Variants in DDX17 observed in about 807,000 individuals in gnomAD.
DDX17 encodes DEAD-box helicase 17, also known as probable ATP-dependent RNA helicase DDX17.
In DDX17, 10 loss-of-function variants were observed where a neutral mutation model predicts 80.8. The ratio of observed to expected loss-of-function variants is 0.12; its 90% CI spans 0.08 to 0.21. DDX17 has a LOEUF of 0.21. Ranked by LOEUF, DDX17 falls within the 10% of genes least tolerant of loss-of-function variation. The probability of loss-of-function intolerance (pLI) is 1.00; values close to 1 mark genes in which losing one functional copy is unlikely to be tolerated. For synonymous variants in DDX17, 339 were observed against 336.2 expected (o/e 1.01, Z -0.09); for missense variants, 586 against 957.4 (o/e 0.61, Z 5.12).
intron 1 of DDX17, among the ~76,000 whole-genome samples, chr22:38,504,592 CAAT>C (rs778412123): frequency 2.0e-5 from 3 of 152,134 alleles, no homozygotes; most frequent in African/African-American, 4.8e-5. Flanking sequence ...ATCCTCTAAA[CAAT>C]GAGATAAAAT....
rs138441 is a variant in DDX17 at position 38,489,622 on chromosome 22, T to A, written c.1448-1507A>T. ...TAATTTCAAGGGAGAAAGGGGAGAT[T>A]AAAAAAAAAAAATTAGCTGTTGTTA... On this transcript the variant is annotated intron_variant, in intron 11 of 12. Coordinates refer to ENST00000403230, the MANE Select transcript of DDX17 (RefSeq NM_006386.5). This position sits in a 1 kb window ranked among gnomAD's most constrained non-coding sequence, Gnocchi z 4.6. The A allele has an allele frequency of 7.4e-3, 5,247 of 713,166 alleles. 1 individual carries two copies. The highest frequency in any genetic ancestry group is 8.1e-3 in the Middle Eastern group (11 of 1,358). The allele number at this position is 713,166 out of a possible 1,614,324, so 44.2% of individuals were successfully genotyped here.
At position 38,486,429 on chromosome 22, in the gene DDX17, G is replaced by A. The variant is rs771368406; in HGVS notation, c.1696C>T (p.Arg566Cys). The change falls in exon 13 of 13, where the codon CGT becomes TGT. Residue 566 changes from arginine to cysteine, a missense_variant. Arg to Cys is a radical substitution (Grantham distance 180, BLOSUM62 -3). Coordinates refer to ENST00000403230, the MANE Select transcript of DDX17 (RefSeq NM_006386.5). ...TTGGCTGAAGAAGTGGTCCGGTAAC[G>A]AGAACGACCACCTAATGGGAAGATA... is the stretch of plus-strand genomic sequence containing the variant. The A allele has an allele frequency of 1.0e-5, 16 of 1,607,456 alleles. No homozygotes were observed. Among genetic ancestry groups the A allele is most frequent in the Non-Finnish European group, 1.4e-5 (16 of 1,176,270 alleles).
chr22:38,485,929 G>A lies in DDX17; in HGVS notation c.*6C>T. 1.9e-6 allele frequency: 3 copies of A among 1,613,606 alleles called. No individual in the cohort carries two copies. Among genetic ancestry groups the A allele is most frequent in the Non-Finnish European group, 2.5e-6 (3 of 1,179,900 alleles). On this transcript the variant is annotated 3_prime_UTR_variant, in exon 13 of 13. Coordinates refer to ENST00000403230, the MANE Select transcript of DDX17 (RefSeq NM_006386.5). ...GTCTGCTGGAGTCACTACCACTTGAGTGGTTTCATTTACGTGAAGGAGGAG... is the reference window on the plus strand; with the variant it reads ...GTCTGCTGGAGTCACTACCACTTGAATGGTTTCATTTACGTGAAGGAGGAG...
At chr22:38,494,560 T>G in intron 8 of DDX17, 70 bp downstream of exon 8, 1 of 1,450,918 alleles carries the variant, frequency 6.9e-7, no homozygotes, top group Non-Finnish European at 9.5e-7. Context: ...GTTTCTACAG[T>G]ACTAATTTTG....
At chr22:38,496,040 T>C (rs1268987338) in intron 5 of DDX17, 103 bp from the exon 6 acceptor site, 1 of 1,098,234 alleles carries the variant, frequency 9.1e-7, no homozygotes, top group East Asian at 2.8e-5. Context: ...TTCTTTGCTG[T>C]CTAATCTAGC....
At chr22:38,498,307 T>C in intron 4 of DDX17, 133 bp downstream of exon 4, 1 of 1,417,906 alleles carries the variant, frequency 7.1e-7, no homozygotes, top group Non-Finnish European at 9.6e-7. Context: ...ATAAAATGCT[T>C]CCATATATTT....
Position 38,485,555 on chromosome 22 carries a change from GA to G in DDX17, c.*379del. 1 of 112,240 alleles carries G rather than the reference GA, an allele frequency of 8.9e-6. No homozygotes were observed. The highest frequency in any genetic ancestry group is 1.0e-4 in the Admixed American group (1 of 9,592). 7.0% of individuals were successfully genotyped at this position (112,240 alleles called of 1,614,324 possible). The stretch of plus-strand genomic sequence containing the variant: ...CCCTCCCTCCCTCCCCACCAACTCA[GA>G]AAAACAAAACATGGGGCTCCCACAA... On this transcript the variant is annotated 3_prime_UTR_variant, in exon 13 of 13. Transcript: ENST00000403230.
rs1486299727 is a variant in DDX17, at chr22:38,486,391, C to T, written c.1734G>A (p.Leu578=). ...TTCGGTCACACTCATCCTGATACATCAGATTGGGATTGTTGGCTGAAGAAG... is the reference window on the plus strand; with the variant it reads ...TTCGGTCACACTCATCCTGATACATTAGATTGGGATTGTTGGCTGAAGAAG... The change falls in exon 13 of 13, where the codon CTG becomes CTA. Residue 578 remains leucine (L), a synonymous_variant. Transcript: ENST00000403230. 6.2e-7 allele frequency: 1 copy of T among 1,613,798 alleles called. No individual in the cohort carries two copies. The highest frequency in any genetic ancestry group is 1.7e-4 in the Middle Eastern group (1 of 6,060).
At chr22:38,496,782 G>A (rs1039770616) in intron 5 of DDX17, among the ~76,000 whole-genome samples, 5 of 152,126 alleles carry the variant, frequency 3.3e-5, no homozygotes, top group African/African-American at 1.2e-4. Flanking sequence ...TGACAAGACT[G>A]TGTACAATCT....
rs1353324898 is a variant in DDX17, at chr22:38,506,071, C to G, written c.167G>C (p.Arg56Thr). ...GCTCGGGAGGGCCTGCGGCTCCGGT[C>G]TGGTGACGACCGATGGCGGCGGCGC... is the stretch of plus-strand genomic sequence containing the variant. The change falls in exon 1 of 13, where the codon AGA becomes ACA. Residue 56 changes from arginine to threonine, a missense_variant. Physicochemically the swap from Arg to Thr is moderately conservative, Grantham distance 71. Transcript: ENST00000403230. The G allele has an allele frequency of 1.9e-6, 3 of 1,582,002 alleles. No homozygotes were observed. Among genetic ancestry groups the G allele is most frequent in the Admixed American group, 1.9e-5 (1 of 53,854 alleles).
chr22:38,492,235 G>T, intron 10 of DDX17, 120 bp from the exon 11 acceptor site: 1 of 713,876 alleles, frequency 1.4e-6, no homozygotes, highest in Non-Finnish European at 2.3e-6. Context: ...TGTAATGACT[G>T]ACAGTGATTC....
intron 11 of DDX17, 59 bp downstream of exon 11, chr22:38,491,997 A>G (rs1044481818): frequency 9.7e-6 from 12 of 1,237,066 alleles, no homozygotes; most frequent in Non-Finnish European, 1.4e-5. Flanking sequence ...ATTTGAAATG[A>G]CGAATCTTTA....
At chr22:38,495,535 G>A (rs768547228) in intron 6 of DDX17, among the ~76,000 whole-genome samples, 22 of 152,230 alleles carry the variant, frequency 1.4e-4, no homozygotes, top group Non-Finnish European at 1.6e-4. Flanking sequence ...ATGAGCCACC[G>A]CACTGGCCCA....
chr22:38,501,001 A>T (rs910500091), intron 2 of DDX17, 129 bp downstream of exon 2: 38 of 1,299,476 alleles, frequency 2.9e-5, no homozygotes, highest in South Asian at 2.1e-4. Flanking sequence ...TAACCAAAAA[A>T]TTTTTTAAGA....
rs1219480811 is a variant in DDX17 at position 38,506,282 on chromosome 22, C to T, written c.-45G>A. The T allele has an allele frequency of 1.3e-6, 2 of 1,522,962 alleles. No homozygotes were observed. Among genetic ancestry groups the T allele is most frequent in the South Asian group, 1.2e-5 (1 of 80,300 alleles). The allele number at this position is 1,522,962 out of a possible 1,614,324, so 94.3% of individuals were successfully genotyped here. On this transcript the variant is annotated 5_prime_UTR_variant, in exon 1 of 13. Coordinates refer to ENST00000403230, the MANE Select transcript of DDX17 (RefSeq NM_006386.5). ...GGGCAGTGCCGCGGTTTAGGCGTCTCCTTCCTTCCCAGCGACTGCACAAAA... is the reference window on the plus strand; with the variant it reads ...GGGCAGTGCCGCGGTTTAGGCGTCTTCTTCCTTCCCAGCGACTGCACAAAA...
At position 38,495,733 on chromosome 22, in the gene DDX17, T is replaced by C. The variant is rs2089757422; in HGVS notation, c.880+63A>G. The C allele has an allele frequency of 3.0e-6, 4 of 1,346,290 alleles. No individual in the cohort carries two copies. The Admixed American group carries it at 8.0e-5, about 27-fold the overall frequency. 83.4% of individuals were successfully genotyped at this position (1,346,290 alleles called of 1,614,324 possible). On this transcript the variant is annotated intron_variant, in intron 6 of 12. Coordinates refer to ENST00000403230, the MANE Select transcript of DDX17 (RefSeq NM_006386.5). ...CAAGAACCCACTTTTTTTCTCCAAT[T>C]TCCTCCACAGGAATTGGTAAAGTAA...
intron 1 of DDX17, among the ~76,000 whole-genome samples, chr22:38,502,428 A>AG (rs397832054): frequency 1.3e-5 from 2 of 150,930 alleles, no homozygotes; most frequent in African/African-American, 2.4e-5. Context: ...AAAAAAAAAA[A>AG]GCTGAACATA....
intron 11 of DDX17, chr22:38,488,631 C>G: frequency 1.0e-6 from 1 of 987,646 alleles, no homozygotes; most frequent in Non-Finnish European, 1.2e-6. Context: ...TATTTTATTA[C>G]TACAATTTAA....
rs1465754883 is a variant in DDX17 at position 38,488,674 on chromosome 22, T to G, written c.1448-559A>C. 6 of 987,656 alleles carry G rather than the reference T, an allele frequency of 6.1e-6. No homozygotes were observed. The Admixed American group carries it at 1.8e-4, about 29-fold the overall frequency. 61.2% of individuals were successfully genotyped at this position (987,656 alleles called of 1,614,324 possible). A position where few individuals can be genotyped will look rare whatever the true frequency, so the allele number is the denominator to read the frequency against. On this transcript the variant is annotated intron_variant, in intron 11 of 12. Coordinates refer to ENST00000403230, the MANE Select transcript of DDX17 (RefSeq NM_006386.5). ...TTAAATGTTTTGATTAACATTTAAC[T>G]TTTTTTGCTCTTATCTTTTTAAGAA...
Sources: allele counts gnomAD v4.1 joint callset (sites outside exome capture counted in the v4.1 genomes callset), GRCh38; gene constraint gnomAD v4.1.1; non-coding constraint Gnocchi (gnomAD v3.1); transcripts MANE v1.5; gene names NCBI Gene and HGNC (gene_info 2026-07-23, HGNC 2026-07-21).